Variants in FCHSD2 observed in about 807,000 individuals in gnomAD.
The protein encoded by FCHSD2 is F-BAR and double SH3 domains protein 2.
In FCHSD2, 38 loss-of-function variants were observed where a neutral mutation model predicts 108.1. That is an observed-to-expected ratio of 0.35 (90% CI 0.27 to 0.46). FCHSD2 has a LOEUF of 0.46. Ranked by LOEUF, FCHSD2 falls within the 20% of genes least tolerant of loss-of-function variation. FCHSD2 has a pLI of 1.00. For missense variants in FCHSD2, 751 were observed against 897.8 expected, an observed-to-expected ratio of 0.84 and a Z score of 2.09; for synonymous variants, 279 against 314.7, an observed-to-expected ratio of 0.89 and a Z score of 1.20.
At chr11:73,084,889 T>C (rs1218341893) in intron 2 of FCHSD2, among the ~76,000 whole-genome samples, 7 of 151,528 alleles carry the variant, frequency 4.6e-5, no homozygotes. Flanking sequence ...TTTACCGTTA[T>C]GTGCCAGGAA....
chr11:73,071,066 T>C (rs975277352), intron 3 of FCHSD2, among the ~76,000 whole-genome samples: 3 of 152,154 alleles, frequency 2.0e-5, no homozygotes, highest in Admixed American at 2.0e-4. Flanking sequence ...ATGTTTTCCA[T>C]AAATGCCTCC....
chr11:73,043,247 G>A (rs1210470109), intron 3 of FCHSD2, among the ~76,000 whole-genome samples: 1 of 152,098 alleles, frequency 6.6e-6, no homozygotes, highest in African/African-American at 2.4e-5. Context: ...AGTCTGTTGA[G>A]AGATTTTATC....
At chr11:72,850,638 C>G (rs1241825859) in intron 13 of FCHSD2, among the ~76,000 whole-genome samples, 2 of 152,056 alleles carry the variant, frequency 1.3e-5, no homozygotes, top group African/African-American at 4.8e-5. Flanking sequence ...CAGGTGTGAG[C>G]CACCGTGCCT....
chr11:72,911,059 T>C (rs1196577961), intron 9 of FCHSD2, among the ~76,000 whole-genome samples: 4 of 152,200 alleles, frequency 2.6e-5, no homozygotes, highest in African/African-American at 9.7e-5. Flanking sequence ...TTACTCAATC[T>C]TTGCCTAGTC....
chr11:73,016,311 AAAAAAAC>A (rs985737490), intron 3 of FCHSD2, among the ~76,000 whole-genome samples: 2 of 152,114 alleles, frequency 1.3e-5, no homozygotes, highest in African/African-American at 4.8e-5. Flanking sequence ...TCAAAAAAAA[AAAAAAAC>A]AAAACCCAAT....
At chr11:73,000,144 T>G (rs1011466879) in intron 5 of FCHSD2, among the ~76,000 whole-genome samples, 3 of 152,022 alleles carry the variant, frequency 2.0e-5, no homozygotes, top group South Asian at 4.2e-4. Context: ...AATTGGGGGG[T>G]TTTTGGTGGG....
chr11:72,982,065 A>AGTTCATCTGAGATGATAG (rs1376542895), intron 8 of FCHSD2, among the ~76,000 whole-genome samples: 1 of 152,248 alleles, frequency 6.6e-6, no homozygotes, highest in East Asian at 1.9e-4. Flanking sequence ...CTGAGATGAC[A>AGTTCATCTGAGATGATAG]AAACAGTTCC....
intron 3 of FCHSD2, among the ~76,000 whole-genome samples, chr11:73,055,646 A>AAT (rs1158425214): frequency 6.6e-6 from 1 of 152,180 alleles, no homozygotes; most frequent in Non-Finnish European, 1.5e-5. Flanking sequence ...GTATGTTACA[A>AAT]ATATATATAT....
At chr11:72,994,836 A>T (rs188403376) in intron 5 of FCHSD2, among the ~76,000 whole-genome samples, 9 of 152,330 alleles carry the variant, frequency 5.9e-5, no homozygotes, top group South Asian at 2.1e-4. Flanking sequence ...AAAAGCTTTT[A>T]AAAAATTGAC....
At chr11:73,000,881 A>G (rs1857612682) in intron 5 of FCHSD2, 109 bp downstream of exon 5, 1 of 936,896 alleles carries the variant, frequency 1.1e-6, no homozygotes, top group Non-Finnish European at 1.5e-6. Context: ...TGTCAACCAG[A>G]AACATATGGG....
intron 2 of FCHSD2, among the ~76,000 whole-genome samples, chr11:73,095,413 C>G (rs914005801): frequency 6.6e-6 from 1 of 152,066 alleles, no homozygotes; most frequent in Non-Finnish European, 1.5e-5. Context: ...AAAACACTAA[C>G]GAAAAATACA....
chr11:73,084,901 C>G lies in FCHSD2; in HGVS notation c.120-1161G>C, dbSNP rs1046400189. Among the ~76,000 whole-genome samples, 3 of 149,970 alleles carry G rather than the reference C, an allele frequency of 2.0e-5. No homozygotes were observed. In the South Asian group the frequency reaches 6.2e-4, roughly 31 times the overall value. On this transcript the variant is annotated intron_variant, in intron 2 of 19. Transcript: ENST00000409418. ...GACTTTACCGTTATGTGCCAGGAAT[C>G]GGTGCTCTTAAAATCACTGCACCAG...
chr11:73,008,748 G>T (rs773004017), intron 4 of FCHSD2, among the ~76,000 whole-genome samples: 1 of 152,116 alleles, frequency 6.6e-6, no homozygotes, highest in African/African-American at 2.4e-5. Flanking sequence ...GTTTTACAAA[G>T]ATATAAAGAT....
At chr11:73,139,107 T>C (rs950540446) in intron 2 of FCHSD2, among the ~76,000 whole-genome samples, 25 of 152,088 alleles carry the variant, frequency 1.6e-4, no homozygotes, top group African/African-American at 6.0e-4. Context: ...TGCCTAAATA[T>C]AGGAGAGGAA....
chr11:73,007,000 G>C (rs1035902230), intron 4 of FCHSD2, among the ~76,000 whole-genome samples: 3 of 152,098 alleles, frequency 2.0e-5, no homozygotes, highest in African/African-American at 7.2e-5. Flanking sequence ...TCTTCATTCT[G>C]ATATAGTTTA....
intron 8 of FCHSD2, among the ~76,000 whole-genome samples, chr11:72,978,684 G>C (rs1857154805): frequency 1.3e-5 from 2 of 152,146 alleles, no homozygotes; most frequent in South Asian, 4.2e-4. Flanking sequence ...TGGTTTAAAA[G>C]TGGCACTTCC....
chr11:72,901,217 C>T (rs1374639780), intron 10 of FCHSD2, among the ~76,000 whole-genome samples: 1 of 151,496 alleles, frequency 6.6e-6, no homozygotes, highest in African/African-American at 2.4e-5. Flanking sequence ...CATGGTGAGA[C>T]CCCCCCATCT....
At chr11:73,084,174 G>T (rs1323662689) in intron 2 of FCHSD2, among the ~76,000 whole-genome samples, 2 of 152,138 alleles carry the variant, frequency 1.3e-5, no homozygotes, top group East Asian at 1.9e-4. Flanking sequence ...ATGTTTACTG[G>T]ACTTAACCAA....
chr11:72,970,834 C>A (rs1856993970), intron 8 of FCHSD2, among the ~76,000 whole-genome samples: 1 of 152,052 alleles, frequency 6.6e-6, no homozygotes, highest in Non-Finnish European at 1.5e-5. Context: ...CAAAACATAC[C>A]CCTAACCCCC....
Sources: allele counts gnomAD v4.1 joint callset (sites outside exome capture counted in the v4.1 genomes callset), GRCh38; gene constraint gnomAD v4.1.1; transcripts MANE v1.5; gene names NCBI Gene and HGNC (gene_info 2026-07-23, HGNC 2026-07-21).